MAST4: variants seen among roughly 807,000 people sequenced by gnomAD.
The protein encoded by MAST4 is microtubule associated serine/threonine kinase family member 4.
MAST4 carries 89 observed loss-of-function variants against 162.7 expected under a neutral mutation model. That is an observed-to-expected ratio of 0.55 (90% CI 0.46 to 0.65). The LOEUF (loss-of-function observed/expected upper bound fraction) is 0.65, where lower values mean the gene tolerates loss of function less well. Ranked by LOEUF, MAST4 falls within the 30% of genes least tolerant of loss-of-function variation. MAST4 has a pLI of 0.00. For synonymous variants in MAST4, 1,479 were observed against 1,361.1 expected (o/e 1.09, Z -1.91); for missense variants, 3,153 against 3,374.0 (o/e 0.93, Z 1.62).
intron 3 of MAST4, among the ~76,000 whole-genome samples, chr5:66,796,141 C>A (rs541569957): frequency 6.6e-6 from 1 of 152,112 alleles, no homozygotes; most frequent in South Asian, 2.1e-4. Flanking sequence ...GTCTGTAAAT[C>A]AAAGATCAGC....
At chr5:66,671,697 C>A (rs1228414691) in intron 1 of MAST4, among the ~76,000 whole-genome samples, 1 of 152,160 alleles carries the variant, frequency 6.6e-6, no homozygotes, top group Non-Finnish European at 1.5e-5. Context: ...CTACAAAACT[C>A]TATAACATCC....
intron 3 of MAST4, among the ~76,000 whole-genome samples, chr5:66,886,219 T>C (rs1762031263): frequency 6.6e-6 from 1 of 152,216 alleles, no homozygotes; most frequent in Non-Finnish European, 1.5e-5. Context: ...TCAATTAGCG[T>C]ATAGGACTTT....
At chr5:66,855,855 T>C (rs562857022) in intron 3 of MAST4, among the ~76,000 whole-genome samples, 197 of 152,144 alleles carry the variant, frequency 1.3e-3, no homozygotes, top group African/African-American at 4.4e-3. Context: ...AGAAGAAAAG[T>C]GTGTCTGTTT....
chr5:66,700,106 C>T (rs181725927), intron 1 of MAST4, among the ~76,000 whole-genome samples: 506 of 152,330 alleles, frequency 3.3e-3, no homozygotes, highest in African/African-American at 0.011. Context: ...CTCTATTTCC[C>T]TCCCCTTCTC....
intron 1 of MAST4, among the ~76,000 whole-genome samples, chr5:66,733,602 C>T (rs953419018): frequency 3.0e-4 from 46 of 152,022 alleles, no homozygotes; most frequent in African/African-American, 8.5e-4. Context: ...GGATTACAGG[C>T]GCCCGCCACC....
chr5:66,919,571 G>A (rs1764347027), intron 4 of MAST4, among the ~76,000 whole-genome samples: 1 of 148,404 alleles, frequency 6.7e-6, no homozygotes, highest in South Asian at 2.1e-4. Context: ...TGAGGCAGGA[G>A]AATCGCTTGA....
At chr5:67,093,225 T>A (rs985285559) in intron 6 of MAST4, among the ~76,000 whole-genome samples, 2 of 152,196 alleles carry the variant, frequency 1.3e-5, no homozygotes, top group Non-Finnish European at 2.9e-5. Flanking sequence ...TTTCCCTTCT[T>A]ACTTTTTCAT....
At chr5:66,619,755 G>C (rs986220048) in intron 1 of MAST4, among the ~76,000 whole-genome samples, 14 of 151,656 alleles carry the variant, frequency 9.2e-5, no homozygotes, top group African/African-American at 3.4e-4. Context: ...GTGATGCTTT[G>C]TTTACTCATA....
rs770766065 is a variant in MAST4, at chr5:67,162,724, C to T, written c.3903C>T (p.Pro1301=). ...LSSGESLPGS[P]THSLSPRSPT... is the part of the protein sequence containing the mutation. ...CGGGTGAGAGCCTCCCAGGTTCCCCCACTCATAGCTTGTCTCCCCGGTCTC... is the reference window on the plus strand; with the variant it reads ...CGGGTGAGAGCCTCCCAGGTTCCCCTACTCATAGCTTGTCTCCCCGGTCTC... The change falls in exon 28 of 29, where the codon CCC becomes CCT. Residue 1301 remains proline (P), a synonymous_variant. Transcript: ENST00000403625. 5 of 1,613,876 alleles carry T rather than the reference C, an allele frequency of 3.1e-6. No individual in the cohort carries two copies. The highest frequency in any genetic ancestry group is 2.2e-5 in the East Asian group (1 of 44,848).
At chr5:66,967,684 T>TAAAAA (rs549249080) in intron 4 of MAST4, among the ~76,000 whole-genome samples, 4 of 112,946 alleles carry the variant, frequency 3.5e-5, no homozygotes, top group African/African-American at 9.7e-5. Flanking sequence ...TCACACTCCT[T>TAAAAA]AAAAAAAAAA....
intron 3 of MAST4, among the ~76,000 whole-genome samples, chr5:66,846,118 G>A (rs1472433930): frequency 1.3e-5 from 2 of 152,182 alleles, no homozygotes; most frequent in African/African-American, 2.4e-5. Flanking sequence ...AAGTGACAGA[G>A]TCTAGCTTCA....
rs533873637 is a variant in MAST4, at chr5:66,753,302, G to A, written c.364-6407G>A. Reference sequence around the variant, plus strand: ...CAGAAGGCAAGAAATAACTAAAATCGAGCAGAACTGAAGGAAATAGAGACA... The same window carrying A: ...CAGAAGGCAAGAAATAACTAAAATCAAGCAGAACTGAAGGAAATAGAGACA... On this transcript the variant is annotated intron_variant, in intron 1 of 28. Coordinates refer to ENST00000403625, the MANE Select transcript of MAST4 (RefSeq NM_001164664.2). 5.9e-5 allele frequency among the ~76,000 whole-genome samples: 9 copies of A among 151,886 alleles called. No individual in the cohort carries two copies. The South Asian group carries it at 1.0e-3, about 18-fold the overall frequency.
chr5:67,037,295 C>T (rs1299904376), intron 4 of MAST4, among the ~76,000 whole-genome samples: 1 of 152,144 alleles, frequency 6.6e-6, no homozygotes, highest in African/African-American at 2.4e-5. Context: ...AGGGTTCCAG[C>T]TTCCCAGTTC....
intron 4 of MAST4, among the ~76,000 whole-genome samples, chr5:66,995,248 T>C (rs1346422883): frequency 1.3e-5 from 2 of 152,180 alleles, no homozygotes; most frequent in African/African-American, 4.8e-5. Flanking sequence ...TGTCAAAAAA[T>C]ATCAATCAAA....
intron 3 of MAST4, among the ~76,000 whole-genome samples, chr5:66,812,572 G>A (rs191535994): frequency 3.3e-5 from 5 of 152,296 alleles, no homozygotes; most frequent in South Asian, 4.1e-4. Flanking sequence ...CATTAATAGC[G>A]TAATCTACAA....
intron 4 of MAST4, among the ~76,000 whole-genome samples, chr5:67,049,043 GTGTATATATATATATACGTATATATATA>G (rs1757804601): frequency 1.8e-5 from 1 of 54,106 alleles, no homozygotes; most frequent in South Asian, 5.1e-4. Context: ...ATATATATAC[GTGTATATATATATATACGTATATATATA>G]TATATATACA....
At chr5:66,846,381 G>A (rs747957333) in intron 3 of MAST4, among the ~76,000 whole-genome samples, 4 of 152,178 alleles carry the variant, frequency 2.6e-5, no homozygotes, top group African/African-American at 9.7e-5. Context: ...TTCTCCAATA[G>A]CCTTGAGGAG....
intron 3 of MAST4, among the ~76,000 whole-genome samples, chr5:66,822,894 C>G (rs1757061832): frequency 6.6e-6 from 1 of 152,114 alleles, no homozygotes; most frequent in Admixed American, 6.5e-5. Flanking sequence ...GTCAACCTGA[C>G]CAAGGTTGGT....
intron 1 of MAST4, among the ~76,000 whole-genome samples, chr5:66,609,137 T>A (rs1214605357): frequency 2.6e-5 from 4 of 151,784 alleles, no homozygotes; most frequent in Admixed American, 6.6e-5. Context: ...GGGTTTGGAT[T>A]TTTCCTGCTG....
Sources: allele counts gnomAD v4.1 joint callset (sites outside exome capture counted in the v4.1 genomes callset), GRCh38; gene constraint gnomAD v4.1.1; transcripts MANE v1.5; gene names NCBI Gene and HGNC (gene_info 2026-07-23, HGNC 2026-07-21).